PNPLA7: variants seen among roughly 807,000 people sequenced by gnomAD.
The protein encoded by PNPLA7 is patatin like domain 7, lysophospholipase.
Under a neutral mutation model 161.7 loss-of-function variants are expected in PNPLA7, and 153 were observed. That is an observed-to-expected ratio of 0.95 (90% confidence interval 0.83 to 1.08). PNPLA7 has a LOEUF of 1.08. Among genes scored for constraint, PNPLA7 ranks in the 50% least tolerant of loss-of-function variants. The pLI is 0.00. For synonymous variants in PNPLA7, 809 were observed against 782.1 expected, an observed-to-expected ratio of 1.03 and a Z score of -0.57; for missense variants, 1,739 against 1,856.6, an observed-to-expected ratio of 0.94 and a Z score of 1.16.
intron 8 of PNPLA7, among the ~76,000 whole-genome samples, chr9:137,525,974 T>C (rs535608597): frequency 6.7e-6 from 1 of 149,434 alleles, no homozygotes; most frequent in African/African-American, 2.5e-5. Flanking sequence ...CCTATCTCTG[T>C]ATGGCCTGGT....
chr9:137,481,129 G>T, intron 21 of PNPLA7, 106 bp from the exon 22 acceptor site: 2 of 1,174,154 alleles, frequency 1.7e-6, no homozygotes, highest in Non-Finnish European at 2.5e-6. Context: ...AGGCACCGAC[G>T]CCCAGCCAGG....
intron 14 of PNPLA7, among the ~76,000 whole-genome samples, 154 bp from the exon 15 acceptor site, chr9:137,501,881 A>G (rs1370570415): frequency 2.6e-5 from 4 of 152,268 alleles, no homozygotes; most frequent in Admixed American, 6.5e-5. Flanking sequence ...CAAGGGCCTG[A>G]TGGACACTGG....
In PNPLA7 at chr9:137,498,115, T is replaced by C; in HGVS notation, c.1888A>G (p.Arg630Gly). The C allele has an allele frequency of 1.2e-6, 2 of 1,612,898 alleles. No homozygotes were observed. Among genetic ancestry groups the C allele is most frequent in the Non-Finnish European group, 1.7e-6 (2 of 1,179,904 alleles). Residue 630 changes from arginine to glycine, a missense_variant and splice_region_variant, in exon 17 of 35, where the codon AGG becomes GGG. Coordinates refer to ENST00000406427, the MANE Select transcript of PNPLA7 (RefSeq NM_001098537.3). ...AGTGTGTGGCACCCACGGCCTCACC[T>C]GTATATTGCTCGCCCGGCCTCCACC... is the stretch of plus-strand genomic sequence containing the variant. Reference protein sequence around the residue: ...VEVEAGRAIYRQGDKSDCTYI... With the variant: ...VEVEAGRAIYGQGDKSDCTYI...
chr9:137,487,519 C>A (rs951036762), intron 20 of PNPLA7, among the ~76,000 whole-genome samples: 1 of 152,270 alleles, frequency 6.6e-6, no homozygotes, highest in African/African-American at 2.4e-5. Context: ...AACCGGGGCA[C>A]TGGCGCCTCA....
Position 137,506,055 on chromosome 9 carries a change from C to G in PNPLA7, c.1254G>C (p.Leu418=). Residue 418 remains leucine (L), a synonymous_variant, in exon 13 of 35, where the codon CTG becomes CTC. Transcript: ENST00000406427. ...QGGPGSATSD[L]GMACDRARVF... The stretch of plus-strand genomic sequence containing the variant: ...CCCTGGCACGGTCACATGCCATCCC[C>G]AGATCAGAAGTGGCACTGCCTGGGC... 1 of 1,613,090 alleles carries G rather than the reference C, an allele frequency of 6.2e-7. No homozygotes were observed. Among genetic ancestry groups the G allele is most frequent in the Non-Finnish European group, 8.5e-7 (1 of 1,179,770 alleles).
chr9:137,478,148 TC>T lies in PNPLA7; in HGVS notation c.2767del (p.Glu923ArgfsTer24). On this transcript the variant is annotated frameshift_variant, in exon 25 of 35. Transcript: ENST00000406427. LOFTEE classifies it high-confidence loss of function. ...CCGCTGGAAGACATGCTTGTACATCTCCACCTGGGGGAGGAGCCGTCAGGCA... is the reference window on the plus strand; with the variant it reads ...CCGCTGGAAGACATGCTTGTACATCTCACCTGGGGGAGGAGCCGTCAGGCA... ...FSRRSLPKLV[E>X]MYKHVFQRPP... 7.7e-7 allele frequency: 1 copy of T among 1,299,910 alleles called. No individual in the cohort carries two copies. Among genetic ancestry groups the T allele is most frequent in the South Asian group, 2.4e-5 (1 of 40,892 alleles). 80.5% of individuals were successfully genotyped at this position (1,299,910 alleles called of 1,614,324 possible).
rs1053796279 is a variant in PNPLA7 at position 137,550,274 on chromosome 9, A to T, written c.-77T>A. 83 of 1,508,736 alleles carry T rather than the reference A, an allele frequency of 5.5e-5. No homozygotes were observed. Among genetic ancestry groups the T allele is most frequent in the Middle Eastern group, 1.7e-4 (1 of 5,882 alleles). The allele number at this position is 1,508,736 out of a possible 1,614,324, so 93.5% of individuals were successfully genotyped here. A position where few individuals can be genotyped will look rare whatever the true frequency, so the allele number is the denominator to read the frequency against. ...AACAAGGGCACACCTCTACCCGCTC[A>T]TGCTCACACCTGGACACTTTTCCCT... is the stretch of plus-strand genomic sequence containing the variant. On this transcript the variant is annotated 5_prime_UTR_variant, in exon 1 of 35. An upstream start codon of the reference 5' UTR is lost. Transcript: ENST00000406427.
In PNPLA7 at chr9:137,500,235, A is replaced by G. The variant is rs754724706; in HGVS notation, c.1757+456T>C. 1.1e-4 allele frequency among the ~76,000 whole-genome samples: 16 copies of G among 152,212 alleles called. No individual in the cohort carries two copies. Among genetic ancestry groups the G allele is most frequent in the Admixed American group, 2.0e-4 (3 of 15,286 alleles). On this transcript the variant is annotated intron_variant, in intron 16 of 34. Transcript: ENST00000406427. This position sits in a 1 kb window ranked among gnomAD's most constrained non-coding sequence, Gnocchi z 5.5. Reference sequence around the variant, plus strand: ...GTGGGGCTCCTCCCCCGAGCCAGAGACGCGTCCTCACCCACTGCCTTGCCC... The same window carrying G: ...GTGGGGCTCCTCCCCCGAGCCAGAGGCGCGTCCTCACCCACTGCCTTGCCC...
At position 137,499,743 on chromosome 9, in the gene PNPLA7, C is replaced by T. The variant is rs368381256; in HGVS notation, c.1757+948G>A. Among the ~76,000 whole-genome samples the T allele has an allele frequency of 2.6e-5, 4 of 152,364 alleles. No homozygotes were observed. The highest frequency in any genetic ancestry group is 1.3e-4 in the Admixed American group (2 of 15,308). Reference sequence around the variant, plus strand: ...CGGGGTCCCCAGGCTGAAGCAGCAACGGCGCGGTGCCATTTGCTGGATTAC... The same window carrying T: ...CGGGGTCCCCAGGCTGAAGCAGCAATGGCGCGGTGCCATTTGCTGGATTAC... On this transcript the variant is annotated intron_variant, in intron 16 of 34. Transcript: ENST00000406427. This position sits in a 1 kb window ranked among gnomAD's most constrained non-coding sequence, Gnocchi z 5.5.
chr9:137,499,053 G>C lies in PNPLA7; in HGVS notation c.1758-808C>G, dbSNP rs995929600. Among the ~76,000 whole-genome samples the C allele has an allele frequency of 1.3e-5, 2 of 152,040 alleles. No individual in the cohort carries two copies. Among genetic ancestry groups the C allele is most frequent in the Admixed American group, 6.6e-5 (1 of 15,264 alleles). On this transcript the variant is annotated intron_variant, in intron 16 of 34. Coordinates refer to ENST00000406427, the MANE Select transcript of PNPLA7 (RefSeq NM_001098537.3). The surrounding 1 kb of genome is among the most constrained non-coding windows in gnomAD (Gnocchi z 5.5). The stretch of plus-strand genomic sequence containing the variant: ...TGGCACTTAGAGCCCTGGGGGTGGA[G>C]GAGGAGCCCTGGGATGCTGGCTGGG...
chr9:137,492,378 C>A (rs1334765184), intron 20 of PNPLA7: 1 of 969,944 alleles, frequency 1.0e-6, no homozygotes, highest in African/African-American at 1.8e-5. Flanking sequence ...TCACATATAG[C>A]AGAGCTTTCC....
chr9:137,512,438 G>A (rs530990575), intron 12 of PNPLA7, among the ~76,000 whole-genome samples: 18 of 152,378 alleles, frequency 1.2e-4, no homozygotes, highest in African/African-American at 3.6e-4. Context: ...GGCAGCCATC[G>A]GGACGGCAGG....
At chr9:137,475,010 CAAAAA>C (rs58417100) in intron 25 of PNPLA7, among the ~76,000 whole-genome samples, 19 of 63,618 alleles carry the variant, frequency 3.0e-4, no homozygotes, top group Middle Eastern at 0.013. Flanking sequence ...GACTCTGCCT[CAAAAA>C]AAAAAAAAAA....
At chr9:137,462,151 TCCG>T (rs763389186) in intron 31 of PNPLA7, 25 bp downstream of exon 31, 1 of 1,548,374 alleles carries the variant, frequency 6.5e-7, no homozygotes, top group Admixed American at 1.9e-5. Flanking sequence ...TCCGCCCGCC[TCCG>T]CCGCCGCGGG....
rs138277506 is a variant in PNPLA7, at chr9:137,542,672, G to A, written c.636C>T (p.Asp212=). The A allele has an allele frequency of 4.5e-4, 732 of 1,612,746 alleles. 6 individuals are homozygous for A. Among genetic ancestry groups the A allele is most frequent in the Middle Eastern group, 2.8e-3 (15 of 5,344 alleles). ...EPDPSICVVQ[D]GRLEVCIQDT... ...CCTGGATGCAGACCTCCAGCCGCCC[G>A]TCCTGCACCACACAGATGCTGGGGT... The change falls in exon 7 of 35, where the codon GAC becomes GAT. Residue 212 remains aspartate, a synonymous_variant. Transcript: ENST00000406427.
intron 23 of PNPLA7, chr9:137,479,713 G>A (rs1022436274): frequency 1.6e-5 from 16 of 985,306 alleles, no homozygotes; most frequent in African/African-American, 1.7e-5. Context: ...TGGAGAACAC[G>A]AACAGGACTG....
At chr9:137,484,209 C>T (rs575820218) in intron 21 of PNPLA7, among the ~76,000 whole-genome samples, 20 of 152,288 alleles carry the variant, frequency 1.3e-4, no homozygotes, top group Non-Finnish European at 7.3e-5. Flanking sequence ...TGAGCCACCG[C>T]GCCCGACCGC....
intron 25 of PNPLA7, among the ~76,000 whole-genome samples, chr9:137,469,588 A>G (rs1271873141): frequency 1.3e-5 from 2 of 152,252 alleles, no homozygotes; most frequent in Non-Finnish European, 2.9e-5. Context: ...GTTGTGAGAG[A>G]GTATATATTT....
chr9:137,482,223 A>C (rs181271898), intron 21 of PNPLA7, among the ~76,000 whole-genome samples: 72 of 152,342 alleles, frequency 4.7e-4, no homozygotes, highest in Non-Finnish European at 2.6e-4. Flanking sequence ...TCCAGCAATC[A>C]TGCTCCTTGG....
Sources: allele counts gnomAD v4.1 joint callset (sites outside exome capture counted in the v4.1 genomes callset), GRCh38; gene constraint gnomAD v4.1.1; non-coding constraint Gnocchi (gnomAD v3.1); transcripts MANE v1.5; gene names NCBI Gene and HGNC (gene_info 2026-07-23, HGNC 2026-07-21).